Variants in BACH1 observed in about 807,000 individuals in gnomAD.
The protein encoded by BACH1 is transcription regulator protein BACH1.
A neutral mutation model predicts 52.9 loss-of-function variants in BACH1; 35 were observed. The ratio of observed to expected loss-of-function variants is 0.66; its 90% CI spans 0.51 to 0.88. The LOEUF (loss-of-function observed/expected upper bound fraction) is 0.88, where lower values mean the gene tolerates loss of function less well. BACH1 is among the 40% of genes least tolerant of loss of function. BACH1 has a pLI of 0.00. For synonymous variants in BACH1, 321 were observed against 319.6 expected, an observed-to-expected ratio of 1.00 and a Z score of -0.05; for missense variants, 808 against 872.6, an observed-to-expected ratio of 0.93 and a Z score of 0.93.
chr21:29,323,934 G>A (rs755378879), intron 2 of BACH1, among the ~76,000 whole-genome samples: 26 of 152,038 alleles, frequency 1.7e-4, no homozygotes, highest in Non-Finnish European at 3.1e-4. Flanking sequence ...TATCCCCTGC[G>A]AAGGTTTGTG....
At chr21:29,357,128 A>G (rs1263140566) in intron 2 of BACH1, among the ~76,000 whole-genome samples, 1 of 152,220 alleles carries the variant, frequency 6.6e-6, no homozygotes, top group Non-Finnish European at 1.5e-5. Context: ...CATACTTGCT[A>G]TCTGTATACA....
downstream of BACH1, among the ~76,000 whole-genome samples, chr21:29,348,892 A>C (rs906431785): frequency 1.3e-5 from 2 of 152,096 alleles, no homozygotes; most frequent in African/African-American, 2.4e-5. Context: ...CAGGAGATTG[A>C]GACCATCCTG....
downstream of BACH1, among the ~76,000 whole-genome samples, chr21:29,350,351 G>C (rs1251128725): frequency 6.6e-6 from 1 of 152,170 alleles, no homozygotes; most frequent in East Asian, 1.9e-4. Flanking sequence ...CCTTTCCTGA[G>C]CTATGAAGAA....
chr21:29,307,307 A>G (rs1569007030), intron 1 of BACH1, among the ~76,000 whole-genome samples: 1 of 152,216 alleles, frequency 6.6e-6, no homozygotes, highest in East Asian at 1.9e-4. Context: ...AAGTTTATAC[A>G]GTATTCTTGT....
intron 4 of BACH1, among the ~76,000 whole-genome samples, chr21:29,332,441 A>G (rs1185566381): frequency 6.6e-6 from 1 of 152,040 alleles, no homozygotes; most frequent in Non-Finnish European, 1.5e-5. Context: ...TATCCTGTTT[A>G]ACTATTACAT....
rs1444376776 is a variant in BACH1, at chr21:29,316,338, T to C, written c.-60-4883T>C. 3.9e-5 allele frequency among the ~76,000 whole-genome samples: 6 copies of C among 152,190 alleles called. No individual in the cohort carries two copies. In the South Asian group the frequency reaches 1.2e-3, roughly 31 times the overall value. On this transcript the variant is annotated intron_variant, in intron 1 of 4. Coordinates refer to ENST00000286800, the MANE Select transcript of BACH1 (RefSeq NM_001186.4). ...GCAGAGAGCAGAAGTTATTTCCAAA[T>C]TGAGGTGTAGGAAGCTTTAAAATGC... is the stretch of plus-strand genomic sequence containing the variant.
intron 2 of BACH1, among the ~76,000 whole-genome samples, chr21:29,360,160 A>G (rs1041532445): frequency 1.1e-4 from 16 of 152,154 alleles, no homozygotes; most frequent in African/African-American, 3.9e-4. Flanking sequence ...GGTCTCATCA[A>G]TGTATAAAAT....
intron 1 of BACH1, among the ~76,000 whole-genome samples, chr21:29,307,468 A>T (rs1485602076): frequency 6.6e-6 from 1 of 152,140 alleles, no homozygotes; most frequent in East Asian, 1.9e-4. Context: ...ATTTTGAAAT[A>T]CAGTAGGATC....
intron 1 of BACH1, among the ~76,000 whole-genome samples, chr21:29,304,908 A>G (rs2088639154): frequency 1.3e-5 from 2 of 152,248 alleles, no homozygotes; most frequent in Non-Finnish European, 2.9e-5. Context: ...CAGTTTTGTT[A>G]TAAAATATGT....
Position 29,322,190 on chromosome 21 carries a change from T to G in BACH1, c.234+676T>G, listed in dbSNP as rs2123437462. Reference sequence around the variant, plus strand: ...GGTCCCTCCCATGACGTGGCAATTGTGGGAGCTACAATTCAAGATAAGATT... The same window carrying G: ...GGTCCCTCCCATGACGTGGCAATTGGGGGAGCTACAATTCAAGATAAGATT... On this transcript the variant is annotated intron_variant, in intron 2 of 4. Coordinates refer to ENST00000286800, the MANE Select transcript of BACH1 (RefSeq NM_001186.4). Among the ~76,000 whole-genome samples the G allele has an allele frequency of 2.0e-5, 3 of 152,246 alleles. No individual in the cohort carries two copies. In the South Asian group the frequency reaches 6.2e-4, roughly 32 times the overall value.
At chr21:29,348,199 A>G (rs2089181400), downstream of BACH1, among the ~76,000 whole-genome samples, 1 of 152,184 alleles carries the variant, frequency 6.6e-6, no homozygotes, top group African/African-American at 2.4e-5. Context: ...GATTCTTTCA[A>G]GAGGCTGTAG....
intron 1 of BACH1, among the ~76,000 whole-genome samples, chr21:29,319,473 C>G (rs1208702316): frequency 1.3e-5 from 2 of 151,518 alleles, no homozygotes; most frequent in East Asian, 1.9e-4. Context: ...ATGCTGATAT[C>G]AGGAGGAGAA....
chr21:29,314,707 C>G (rs2088766513), intron 1 of BACH1, among the ~76,000 whole-genome samples: 1 of 152,126 alleles, frequency 6.6e-6, no homozygotes, highest in South Asian at 2.1e-4. Context: ...TTGCTGTAAG[C>G]TCCTCTGCTA....
At chr21:29,301,379 G>A (rs1416613065) in intron 1 of BACH1, among the ~76,000 whole-genome samples, 1 of 152,224 alleles carries the variant, frequency 6.6e-6, no homozygotes, top group Non-Finnish European at 1.5e-5. Flanking sequence ...AACATAGCCT[G>A]TTAACCACTG....
chr21:29,308,417 A>G (rs1425592708), intron 1 of BACH1, among the ~76,000 whole-genome samples: 4 of 152,188 alleles, frequency 2.6e-5, no homozygotes, highest in Non-Finnish European at 4.4e-5. Flanking sequence ...TTTGTGATTC[A>G]TATGATATAC....
At chr21:29,335,706 G>C (rs1027834012) in intron 4 of BACH1, among the ~76,000 whole-genome samples, 1 of 152,122 alleles carries the variant, frequency 6.6e-6, no homozygotes, top group Non-Finnish European at 1.5e-5. Context: ...CTCCACCTCA[G>C]ATCATCTGTC....
At chr21:29,331,884 A>G (rs780890764) in intron 4 of BACH1, among the ~76,000 whole-genome samples, 1 of 152,128 alleles carries the variant, frequency 6.6e-6, no homozygotes, top group Non-Finnish European at 1.5e-5. Context: ...CTACTTTTTA[A>G]AAAATTTTAT....
intron 2 of BACH1, among the ~76,000 whole-genome samples, chr21:29,322,808 A>G (rs561335319): frequency 2.6e-5 from 4 of 152,334 alleles, no homozygotes; most frequent in South Asian, 4.1e-4. Flanking sequence ...GTCAGAGTCA[A>G]TGGTGCAATA....
intron 2 of BACH1, chr21:29,351,555 C>T (rs2123487632): frequency 3.8e-6 from 2 of 521,780 alleles, no homozygotes; most frequent in South Asian, 1.4e-5. Flanking sequence ...GTTTTCATCT[C>T]ATTTGAGCGT....
Sources: allele counts gnomAD v4.1 joint callset (sites outside exome capture counted in the v4.1 genomes callset), GRCh38; gene constraint gnomAD v4.1.1; transcripts MANE v1.5; gene names NCBI Gene and HGNC (gene_info 2026-07-23, HGNC 2026-07-21).